DNAJC6: variants seen among roughly 807,000 people sequenced by gnomAD.
DNAJC6 encodes DnaJ heat shock protein family (Hsp40) member C6, also known as auxilin.
DNAJC6 carries 34 observed loss-of-function variants against 110.0 expected under a neutral mutation model. The ratio of observed to expected loss-of-function variants is 0.31; its 90% CI spans 0.24 to 0.41. The LOEUF (loss-of-function observed/expected upper bound fraction) is 0.41. DNAJC6 is among the 10% of genes least tolerant of loss of function. The pLI is 1.00. For synonymous variants in DNAJC6, 406 were observed against 437.2 expected, an observed-to-expected ratio of 0.93 and a Z score of 0.89; for missense variants, 1,031 against 1,207.8, an observed-to-expected ratio of 0.85 and a Z score of 2.17.
chr1:65,366,968 G>A (rs1193808262), intron 4 of DNAJC6, among the ~76,000 whole-genome samples: 1 of 152,158 alleles, frequency 6.6e-6, no homozygotes, highest in African/African-American at 2.4e-5. Context: ...TAGCTTTGAT[G>A]CTGGAACACA....
intron 1 of DNAJC6, among the ~76,000 whole-genome samples, chr1:65,319,884 T>A (rs368198187): frequency 6.6e-6 from 1 of 152,120 alleles, no homozygotes; most frequent in African/African-American, 2.4e-5. Context: ...CTCTCTCTTC[T>A]CCTTTGCCTC....
intron 1 of DNAJC6, among the ~76,000 whole-genome samples, chr1:65,337,666 A>G (rs1310013143): frequency 1.3e-5 from 2 of 152,234 alleles, no homozygotes; most frequent in East Asian, 1.9e-4. Context: ...ACAAAAAAGT[A>G]CAGAATAAAA....
chr1:65,372,807 A>C (rs1645720101), intron 4 of DNAJC6, among the ~76,000 whole-genome samples: 1 of 152,152 alleles, frequency 6.6e-6, no homozygotes, highest in Non-Finnish European at 1.5e-5. Context: ...TCTGTCTGTG[A>C]GTATTAGAGA....
At chr1:65,398,946 G>A in intron 14 of DNAJC6, 65 bp downstream of exon 14, 1 of 1,521,224 alleles carries the variant, frequency 6.6e-7, no homozygotes, top group East Asian at 2.3e-5. Flanking sequence ...TACCCAAGAT[G>A]AAGTGAGTAC....
At chr1:65,393,513 G>A (rs1306033723) in intron 12 of DNAJC6, among the ~76,000 whole-genome samples, 10 of 152,154 alleles carry the variant, frequency 6.6e-5, no homozygotes, top group African/African-American at 1.2e-4. Flanking sequence ...GACTCATGCC[G>A]GAAGCACAGC....
chr1:65,376,748 CTATTTTATTTATTTATT>C (rs1203076725), intron 4 of DNAJC6, among the ~76,000 whole-genome samples: 5 of 139,816 alleles, frequency 3.6e-5, no homozygotes, highest in Non-Finnish European at 6.0e-5. Flanking sequence ...GGTATGATTT[CTATTTTATTTATTTATT>C]TATTTTATTT....
chr1:65,287,950 A>G (rs961839175), intron 1 of DNAJC6, among the ~76,000 whole-genome samples: 1 of 152,212 alleles, frequency 6.6e-6, no homozygotes, highest in South Asian at 2.1e-4. Context: ...AGTGCTGGGA[A>G]GAACACTGGG....
intron 1 of DNAJC6, among the ~76,000 whole-genome samples, chr1:65,311,839 T>C (rs562165373): frequency 3.3e-4 from 51 of 152,354 alleles, no homozygotes; most frequent in African/African-American, 1.2e-3. Flanking sequence ...TTTTGAAATA[T>C]GTTACATTGT....
At chr1:65,283,141 G>A (rs1653905791) in intron 1 of DNAJC6, among the ~76,000 whole-genome samples, 1 of 152,078 alleles carries the variant, frequency 6.6e-6, no homozygotes, top group South Asian at 2.1e-4. Flanking sequence ...TAGAACTTAA[G>A]GTTTCACCAG....
intron 1 of DNAJC6, among the ~76,000 whole-genome samples, chr1:65,347,086 A>G (rs991966056): frequency 6.6e-6 from 1 of 152,190 alleles, no homozygotes; most frequent in African/African-American, 2.4e-5. Context: ...AAAAAATACT[A>G]ATGACTCAGA....
intron 1 of DNAJC6, among the ~76,000 whole-genome samples, chr1:65,363,046 C>CAAA (rs1400288949): frequency 3.9e-5 from 6 of 152,268 alleles, no homozygotes; most frequent in African/African-American, 1.2e-4. Flanking sequence ...GAAGGGGAAG[C>CAAA]AAGTCACATC....
upstream of DNAJC6, among the ~76,000 whole-genome samples, chr1:65,306,225 T>A (rs1645036406): frequency 6.6e-6 from 1 of 151,984 alleles, no homozygotes; most frequent in Non-Finnish European, 1.5e-5. Context: ...TTTTTTGGAT[T>A]TTTAGTAGAT....
intron 4 of DNAJC6, among the ~76,000 whole-genome samples, chr1:65,373,544 T>C (rs1412319460): frequency 1.3e-5 from 2 of 152,214 alleles, no homozygotes; most frequent in African/African-American, 4.8e-5. Flanking sequence ...GTTGGACATT[T>C]TTTCATATAA....
chr1:65,289,114 A>T (rs182512026), intron 1 of DNAJC6, among the ~76,000 whole-genome samples: 125 of 152,326 alleles, frequency 8.2e-4, no homozygotes, highest in African/African-American at 2.8e-3. Context: ...AAGTGGTTGT[A>T]CCAAGTTTTA....
At chr1:65,304,970 G>A (rs143756559), upstream of DNAJC6, among the ~76,000 whole-genome samples, 779 of 152,350 alleles carry the variant, frequency 5.1e-3, 9 homozygotes, top group African/African-American at 0.018. Context: ...ATGTTCCCCA[G>A]TTGAAGTGCC....
chr1:65,399,551 C>T (rs757455508), intron 14 of DNAJC6, among the ~76,000 whole-genome samples: 7 of 152,148 alleles, frequency 4.6e-5, no homozygotes, highest in East Asian at 1.9e-4. Flanking sequence ...TTCCCCACAA[C>T]GTAACATTTA....
At chr1:65,289,533 C>T (rs534653575) in intron 1 of DNAJC6, among the ~76,000 whole-genome samples, 1 of 152,228 alleles carries the variant, frequency 6.6e-6, no homozygotes, top group African/African-American at 2.4e-5. Flanking sequence ...GTGTATCTGT[C>T]ACTGTGGTTT....
intron 1 of DNAJC6, among the ~76,000 whole-genome samples, chr1:65,331,457 A>G (rs1245325660): frequency 6.6e-6 from 1 of 152,176 alleles, no homozygotes; most frequent in East Asian, 1.9e-4. Flanking sequence ...TATGATAACT[A>G]ATTCTAAATT....
chr1:65,373,079 T>G lies in DNAJC6; in HGVS notation c.544-6323T>G, dbSNP rs1645723399. On this transcript the variant is annotated intron_variant, in intron 4 of 18. Coordinates refer to ENST00000371069, the MANE Select transcript of DNAJC6 (RefSeq NM_001256864.2). ...CATGCAATATTTATCTTTCTATGCT[T>G]GGGTTATTTCAGTTATAATGGCCTC... 3.9e-5 allele frequency among the ~76,000 whole-genome samples: 6 copies of G among 152,294 alleles called. 1 individual carries two copies. The South Asian group carries it at 1.2e-3, about 32-fold the overall frequency.
Sources: gnomAD v4.1 joint callset for allele counts (sites outside exome capture counted in the v4.1 genomes callset) on GRCh38, gnomAD v4.1.1 for gene constraint, MANE v1.5 for transcripts, NCBI Gene and HGNC (gene_info 2026-07-23, HGNC 2026-07-21) for gene names.